USP42: variants seen among roughly 807,000 people sequenced by gnomAD.
The protein encoded by USP42 is ubiquitin specific peptidase 42.
Under a neutral mutation model 113.0 loss-of-function variants are expected in USP42, and 23 were observed. The observed-to-expected ratio is 0.20, with a 90% CI of 0.15 to 0.29. The LOEUF is 0.29. Ranked by LOEUF, USP42 falls within the 10% of genes least tolerant of loss-of-function variation. USP42 has a pLI of 1.00. For missense variants in USP42, 2,174 were observed against 1,779.8 expected (o/e 1.22, Z -3.99); for synonymous variants, 933 against 699.0 (o/e 1.33, Z -5.28).
chr7:6,109,615 A>G (rs1473978362), intron 1 of USP42, among the ~76,000 whole-genome samples: 1 of 151,272 alleles, frequency 6.6e-6, no homozygotes, highest in Non-Finnish European at 1.5e-5. Context: ...GCTGGTCTCG[A>G]ACTCCTGGAC....
the USP42 span, among the ~76,000 whole-genome samples, chr7:6,094,596 T>C: frequency 6.6e-6 from 1 of 151,224 alleles, no homozygotes; most frequent in Non-Finnish European, 1.5e-5. Flanking sequence ...CAGTAGTTCA[T>C]TGTCACCTAT....
intron 1 of USP42, among the ~76,000 whole-genome samples, chr7:6,109,368 C>G (rs979969456): frequency 6.6e-6 from 1 of 152,124 alleles, no homozygotes; most frequent in Non-Finnish European, 1.5e-5. Context: ...TTGGGCCACT[C>G]CTGAAAGGTG....
the USP42 span, among the ~76,000 whole-genome samples, chr7:6,092,023 CTTCT>C: frequency 2.8e-5 from 3 of 108,388 alleles, no homozygotes; most frequent in East Asian, 6.4e-4. Flanking sequence ...TCTTCTTCTT[CTTCT>C]TCTTCTTCTT....
chr7:6,150,384 A>G (rs772335451), intron 13 of USP42, 28 bp from the exon 14 acceptor site: 1 of 1,612,598 alleles, frequency 6.2e-7, no homozygotes, highest in Admixed American at 1.7e-5. Context: ...TGGCGACTGA[A>G]GCTGAAATAT....
chr7:6,132,610 C>T (rs1206773357), intron 3 of USP42, among the ~76,000 whole-genome samples: 2 of 152,108 alleles, frequency 1.3e-5, no homozygotes, highest in South Asian at 2.1e-4. Flanking sequence ...CTACCCGCCT[C>T]AGCCTCACAG....
chr7:6,146,348 A>C (rs1290161015), intron 11 of USP42, 100 bp downstream of exon 11: 11 of 829,294 alleles, frequency 1.3e-5, no homozygotes, highest in African/African-American at 3.5e-5. Context: ...AAAAAAAAAA[A>C]AAAACCCAGC....
In USP42 at chr7:6,108,025, A is replaced by G. The variant is rs371811056; in HGVS notation, c.-10+2993A>G. Among the ~76,000 whole-genome samples, 77 of 152,236 alleles carry G rather than the reference A, an allele frequency of 5.1e-4. 1 individual carries two copies. In the East Asian group the frequency reaches 9.9e-3, roughly 19 times the overall value. ...CATAGTGAAACCCGGCTCCACTAAA[A>G]ATACAAAAATTAGCCGGGTGTGGTG... On this transcript the variant is annotated intron_variant, in intron 1 of 17. Transcript: ENST00000306177.
chr7:6,157,556 C>A lies in USP42; in HGVS notation c.3943+501C>A, dbSNP rs777996474. Among the ~76,000 whole-genome samples the A allele has an allele frequency of 1.3e-5, 2 of 152,174 alleles. No individual in the cohort carries two copies. The highest frequency in any genetic ancestry group is 2.9e-5 in the Non-Finnish European group (2 of 68,032). On this transcript the variant is annotated intron_variant, in intron 16 of 17. Transcript: ENST00000306177. The surrounding 1 kb of genome is among the most constrained non-coding windows in gnomAD (Gnocchi z 4.1). ...GGGACTACAGGCGCCCGCCACCACG[C>A]CCGGCTAAATTTTGTGTTTTTAGTA... is the stretch of plus-strand genomic sequence containing the variant.
intron 1 of USP42, among the ~76,000 whole-genome samples, chr7:6,109,538 C>A (rs971337217): frequency 6.6e-6 from 1 of 151,832 alleles, no homozygotes; most frequent in African/African-American, 2.4e-5. Context: ...GGAATACAGG[C>A]GTGCGCCACC....
chr7:6,139,180 G>C lies in USP42; in HGVS notation c.642G>C (p.Leu214Phe). Residue 214 changes from leucine to phenylalanine, a missense_variant, in exon 5 of 18, where the codon TTG (leucine) becomes TTC (phenylalanine). Leu to Phe is a conservative substitution (Grantham distance 22). Transcript: ENST00000306177. The surrounding 1 kb of genome is among the most constrained non-coding windows in gnomAD (Gnocchi z 4.5). ...YTVDAMQKAC[L>F]NGSNKLDRHT... is the part of the protein sequence containing the mutation. ...TTGATGCTATGCAGAAAGCATGCTT[G>C]AATGGCAGCAATAAGTAAGTACAAC... 1 of 1,604,316 alleles carries C rather than the reference G, an allele frequency of 6.2e-7. No individual in the cohort carries two copies. The highest frequency in any genetic ancestry group is 8.5e-7 in the Non-Finnish European group (1 of 1,175,502).
In USP42 at chr7:6,154,655, G is replaced by A. The variant is rs758598561; in HGVS notation, c.3101G>A (p.Arg1034Lys). 3 of 1,606,282 alleles carry A rather than the reference G, an allele frequency of 1.9e-6. No individual in the cohort carries two copies. The African/African-American group carries it at 4.0e-5, about 21-fold the overall frequency. ...HRSGVELDWV[R>K]HHYTEGERGW... The stretch of plus-strand genomic sequence containing the variant: ...AGCGGGGTGGAGCTGGACTGGGTCA[G>A]ACACCACTACACCGAGGGCGAGCGT... The change falls in exon 15 of 18, where the codon AGA (arginine) becomes AAA (lysine). Residue 1034 changes from arginine to lysine, a missense_variant. By Grantham distance (26) the Arg-to-Lys change is conservative (BLOSUM62 2). Transcript: ENST00000306177.
upstream of USP42, among the ~76,000 whole-genome samples, chr7:6,103,268 C>A (rs117330863): frequency 3.3e-5 from 5 of 150,934 alleles, no homozygotes; most frequent in African/African-American, 9.9e-5. Context: ...AAAATCTGGA[C>A]GGGGTGAACA....
rs73335428 is a variant in USP42, at chr7:6,140,074, C to A, written c.657-54C>A. The A allele has an allele frequency of 7.9e-4, 1,179 of 1,484,696 alleles. 5 individuals are homozygous for A. The African/African-American group carries it at 0.015, about 19-fold the overall frequency. 92.0% of individuals were successfully genotyped at this position (1,484,696 alleles called of 1,614,324 possible). ...CCATGTGTTTGAAATCTGGTCACAG[C>A]ATCTGGAGTTTTTGCAAAGCTCTTC... On this transcript the variant is annotated intron_variant, in intron 5 of 17. Transcript: ENST00000306177.
rs767633887 is a variant in USP42 at position 6,157,027 on chromosome 7, C to T, written c.3915C>T (p.Asp1305=). 12 of 1,610,152 alleles carry T rather than the reference C, an allele frequency of 7.5e-6. No homozygotes were observed. Among genetic ancestry groups the T allele is most frequent in the Admixed American group, 5.1e-5 (3 of 58,972 alleles). ...ACTTACGGATGGAAAGCAGGGATGACAGGTGTCGTCTCTTTGAGTATGGCC... is the reference window on the plus strand; with the variant it reads ...ACTTACGGATGGAAAGCAGGGATGATAGGTGTCGTCTCTTTGAGTATGGCC... ...TKHLRMESRD[D]RCRLFEYGQG... is the part of the protein sequence containing the mutation. The change falls in exon 16 of 18, where the codon GAC becomes GAT. Residue 1305 remains aspartate (D), a synonymous_variant. Coordinates refer to ENST00000306177, the MANE Select transcript of USP42 (RefSeq NM_032172.3). The surrounding 1 kb of genome is among the most constrained non-coding windows in gnomAD (Gnocchi z 4.1).
intron 3 of USP42, chr7:6,117,086 AT>A (rs1325779658): frequency 6.9e-6 from 2 of 291,144 alleles, no homozygotes; most frequent in African/African-American, 4.6e-5. Context: ...ACATAATTTG[AT>A]GCATTTTGAC....
chr7:6,098,680 T>C, the USP42 span, among the ~76,000 whole-genome samples: 1 of 150,378 alleles, frequency 6.6e-6, no homozygotes, highest in African/African-American at 2.5e-5. Context: ...GCCTCCTGAG[T>C]AGCTGGGATG....
chr7:6,114,674 ATATATTTTTTTTTTTTT>A (rs1170730556), intron 2 of USP42, among the ~76,000 whole-genome samples: 1 of 34,808 alleles, frequency 2.9e-5, no homozygotes, highest in Non-Finnish European at 4.5e-5. Flanking sequence ...ATATATATAT[ATATATTTTTTTTTTTTT>A]TTTTTTTTTT....
At chr7:6,103,453 G>C (rs1790195583), upstream of USP42, among the ~76,000 whole-genome samples, 1 of 149,666 alleles carries the variant, frequency 6.7e-6, no homozygotes, top group Non-Finnish European at 1.5e-5. Context: ...GGAGGCACAG[G>C]TTGCAGTGAG....
At chr7:6,097,760 T>G in the USP42 span, among the ~76,000 whole-genome samples, 2 of 150,082 alleles carry the variant, frequency 1.3e-5, no homozygotes, top group Non-Finnish European at 2.9e-5. Context: ...CCCGCTAATT[T>G]TTTGCATTTT....
Sources: allele counts gnomAD v4.1 joint callset (sites outside exome capture counted in the v4.1 genomes callset), GRCh38; gene constraint gnomAD v4.1.1; non-coding constraint Gnocchi (gnomAD v3.1); transcripts MANE v1.5; gene names NCBI Gene and HGNC (gene_info 2026-07-23, HGNC 2026-07-21).